Variants in C8orf34 observed in about 807,000 individuals in gnomAD.
The protein encoded by C8orf34 is chromosome 8 open reading frame 34.
C8orf34 carries 65 observed loss-of-function variants against 68.3 expected under a neutral mutation model. That is an observed-to-expected ratio of 0.95 (90% CI 0.78 to 1.17). The LOEUF is 1.17. Among genes scored for constraint, C8orf34 ranks in the 50% most tolerant of loss-of-function variants. C8orf34 has a pLI of 0.00. For missense variants in C8orf34, 664 were observed against 655.4 expected, an observed-to-expected ratio of 1.01 and a Z score of -0.14; for synonymous variants, 244 against 241.2, an observed-to-expected ratio of 1.01 and a Z score of -0.11.
chr8:68,635,881 A>G lies in C8orf34; in HGVS notation c.1106-4495A>G, dbSNP rs183553383. On this transcript the variant is annotated intron_variant, in intron 7 of 13. Coordinates refer to ENST00000518698, the MANE Select transcript of C8orf34 (RefSeq NM_052958.4). ...TCTATGACAAACCTTTAGATATTTG[A>G]AGGTTGCCATTGTGGAAATAAATGA... 2.6e-5 allele frequency among the ~76,000 whole-genome samples: 4 copies of G among 152,332 alleles called. No homozygotes were observed. In the East Asian group the frequency reaches 7.7e-4, roughly 29 times the overall value.
intron 9 of C8orf34, among the ~76,000 whole-genome samples, chr8:68,717,348 C>T (rs542922599): frequency 3.3e-5 from 5 of 152,170 alleles, no homozygotes; most frequent in South Asian, 2.1e-4. Flanking sequence ...GGCCCGGGTT[C>T]GACCTGCGGT....
chr8:68,806,267 C>CT (rs918885019), intron 12 of C8orf34, among the ~76,000 whole-genome samples: 2 of 151,636 alleles, frequency 1.3e-5, no homozygotes, highest in Admixed American at 6.6e-5. Context: ...GTCACTATTC[C>CT]TTTTTTTCAA....
chr8:68,798,497 G>A (rs143187294), intron 12 of C8orf34, among the ~76,000 whole-genome samples: 2 of 151,934 alleles, frequency 1.3e-5, no homozygotes, highest in Non-Finnish European at 2.9e-5. Context: ...CTTATCAGAT[G>A]ATAAATCTCT....
At chr8:68,603,731 A>G (rs1817774324) in intron 7 of C8orf34, among the ~76,000 whole-genome samples, 1 of 152,068 alleles carries the variant, frequency 6.6e-6, no homozygotes, top group Non-Finnish European at 1.5e-5. Flanking sequence ...CACAGTGGGG[A>G]TATGAGTATA....
At chr8:68,664,389 A>G (rs527980398) in intron 8 of C8orf34, among the ~76,000 whole-genome samples, 1 of 152,322 alleles carries the variant, frequency 6.6e-6, no homozygotes, top group Admixed American at 6.5e-5. Flanking sequence ...GGAGTTAGTC[A>G]TGCTAGGCCT....
Position 68,818,433 on chromosome 8 carries a change from G to A in C8orf34, c.*187G>A, listed in dbSNP as rs1302101296. ...ATGTAATCAGAGAACACTAATCCTG[G>A]CAAAGGATTGTGGGGTGGTCAGGAG... On this transcript the variant is annotated 3_prime_UTR_variant, in exon 14 of 14. Coordinates refer to ENST00000518698, the MANE Select transcript of C8orf34 (RefSeq NM_052958.4). 2 of 617,672 alleles carry A rather than the reference G, an allele frequency of 3.2e-6. No individual in the cohort carries two copies. Among genetic ancestry groups the A allele is most frequent in the Non-Finnish European group, 5.6e-6 (2 of 355,888 alleles). The allele number at this position is 617,672 out of a possible 1,614,324, so 38.3% of individuals were successfully genotyped here.
chr8:68,433,529 G>A (rs1405074938), intron 1 of C8orf34, among the ~76,000 whole-genome samples: 1 of 152,136 alleles, frequency 6.6e-6, no homozygotes, highest in Non-Finnish European at 1.5e-5. Flanking sequence ...TTCCTGTTAG[G>A]GAAATGAAGC....
chr8:68,713,875 T>G (rs1002593702), intron 9 of C8orf34, among the ~76,000 whole-genome samples: 1 of 152,096 alleles, frequency 6.6e-6, no homozygotes, highest in Non-Finnish European at 1.5e-5. Context: ...TTGATGAACA[T>G]ACATGCAAAC....
At chr8:68,712,083 A>G (rs961891095) in intron 9 of C8orf34, among the ~76,000 whole-genome samples, 2 of 152,202 alleles carry the variant, frequency 1.3e-5, no homozygotes, top group Admixed American at 6.5e-5. Context: ...ATTCAGAGAA[A>G]CTAAGCTTCA....
intron 1 of C8orf34, among the ~76,000 whole-genome samples, chr8:68,409,653 C>T (rs1248248868): frequency 6.6e-6 from 1 of 151,992 alleles, no homozygotes; most frequent in Non-Finnish European, 1.5e-5. Context: ...GAAAGGAATG[C>T]CTTTTTGTCA....
chr8:68,464,786 T>C (rs537287439), intron 3 of C8orf34, among the ~76,000 whole-genome samples: 1 of 151,868 alleles, frequency 6.6e-6, no homozygotes, highest in Admixed American at 6.5e-5. Context: ...TTACACCTTA[T>C]ACAAAAATCA....
intron 6 of C8orf34, 28 bp from the exon 7 acceptor site, chr8:68,532,955 G>C: frequency 1.3e-6 from 2 of 1,495,056 alleles, no homozygotes; most frequent in African/African-American, 2.8e-5. Flanking sequence ...ACTTATCACA[G>C]CTAATTAACA....
intron 10 of C8orf34, among the ~76,000 whole-genome samples, chr8:68,739,521 T>C (rs2129527176): frequency 6.6e-6 from 1 of 152,060 alleles, no homozygotes; most frequent in East Asian, 1.9e-4. Context: ...TACCTAAGAA[T>C]ACAGCTAACT....
intron 12 of C8orf34, chr8:68,792,132 G>A (rs543074123): frequency 2.6e-5 from 4 of 152,164 alleles, no homozygotes; most frequent in African/African-American, 7.2e-5. Flanking sequence ...TGCTGAAGAC[G>A]AGCTCTCAAT....
At chr8:68,580,200 T>C (rs1433399689) in intron 7 of C8orf34, among the ~76,000 whole-genome samples, 1 of 152,050 alleles carries the variant, frequency 6.6e-6, no homozygotes, top group Non-Finnish European at 1.5e-5. Context: ...GCATTTCTCT[T>C]CTTAAATAGA....
intron 7 of C8orf34, among the ~76,000 whole-genome samples, chr8:68,593,848 C>T (rs1385838282): frequency 1.3e-5 from 2 of 151,830 alleles, no homozygotes; most frequent in African/African-American, 2.4e-5. Flanking sequence ...CCTTAAAGTT[C>T]TTGTTTTTTA....
chr8:68,508,593 A>G (rs1175476337), intron 5 of C8orf34, among the ~76,000 whole-genome samples: 1 of 152,128 alleles, frequency 6.6e-6, no homozygotes, highest in East Asian at 1.9e-4. Flanking sequence ...GATGAGCTCA[A>G]CAGGTCTCAT....
At chr8:68,758,884 AG>A (rs372647524) in intron 10 of C8orf34, among the ~76,000 whole-genome samples, 55 of 152,190 alleles carry the variant, frequency 3.6e-4, no homozygotes, top group African/African-American at 1.3e-3. Context: ...CAGCAGTAAA[AG>A]CAATTGGATT....
rs555711173 is a variant in C8orf34 at position 68,694,813 on chromosome 8, G to A, written c.1242-14181G>A. ...CCATTACTTTTAATTACTTGCTATG[G>A]TAATTATCCTTATAATTTGATCACA... On this transcript the variant is annotated intron_variant, in intron 8 of 13. Transcript: ENST00000518698. Among the ~76,000 whole-genome samples the A allele has an allele frequency of 3.1e-4, 47 of 151,970 alleles. No homozygotes were observed. In the South Asian group the frequency reaches 9.5e-3, roughly 31 times the overall value.
Sources: gnomAD v4.1 joint callset for allele counts (sites outside exome capture counted in the v4.1 genomes callset) on GRCh38, gnomAD v4.1.1 for gene constraint, MANE v1.5 for transcripts, NCBI Gene and HGNC (gene_info 2026-07-23, HGNC 2026-07-21) for gene names.